NXPE2: variants seen among roughly 807,000 people sequenced by gnomAD.
The protein encoded by NXPE2 is neurexophilin and PC-esterase domain family member 2, also known as NXPE family member 2.
A neutral mutation model predicts 34.4 loss-of-function variants in NXPE2; 34 were observed. The ratio of observed to expected loss-of-function variants is 0.99; its 90% confidence interval spans 0.75 to 1.31. The LOEUF (loss-of-function observed/expected upper bound fraction) is 1.31, where lower values mean the gene tolerates loss of function less well. NXPE2 is among the 40% of genes most tolerant of loss of function. The pLI is 0.00. For synonymous variants in NXPE2, 235 were observed against 231.3 expected (o/e 1.02, Z -0.15); for missense variants, 649 against 672.5 (o/e 0.97, Z 0.39).
chr11:114,618,948 G>C, the NXPE2 span, among the ~76,000 whole-genome samples: 9 of 152,190 alleles, frequency 5.9e-5, no homozygotes, highest in African/African-American at 2.2e-4. Flanking sequence ...TGGATAATAA[G>C]TAGTACCGCA....
At chr11:114,622,809 A>G in the NXPE2 span, among the ~76,000 whole-genome samples, 80,130 of 151,948 alleles carry the variant, frequency 0.53, 22,192 homozygotes, top group African/African-American at 0.68. Flanking sequence ...GTATTGCCTC[A>G]TGGGTTACCA....
At chr11:114,517,365 C>G in the NXPE2 span, among the ~76,000 whole-genome samples, 1 of 152,124 alleles carries the variant, frequency 6.6e-6, no homozygotes, top group Non-Finnish European at 1.5e-5. Flanking sequence ...AAAGAAGTTC[C>G]ATGATTATTC....
chr11:114,646,862 CA>C, the NXPE2 span, among the ~76,000 whole-genome samples: 1 of 151,956 alleles, frequency 6.6e-6, no homozygotes, highest in Non-Finnish European at 1.5e-5. Flanking sequence ...ATCCAAAAAA[CA>C]AAAAACAGAG....
chr11:114,619,202 A>G, the NXPE2 span, among the ~76,000 whole-genome samples: 2 of 148,714 alleles, frequency 1.3e-5, no homozygotes, highest in East Asian at 2.0e-4. Context: ...GATAATAAGT[A>G]TTGCCTCTAG....
the NXPE2 span, among the ~76,000 whole-genome samples, chr11:114,541,415 A>T: frequency 1.1e-4 from 17 of 152,224 alleles, no homozygotes; most frequent in Non-Finnish European, 4.4e-5. Flanking sequence ...AAGAAATCTC[A>T]GCAAGGATGG....
chr11:114,687,366 C>T (rs546546187), intron 2 of NXPE2, among the ~76,000 whole-genome samples: 6 of 151,960 alleles, frequency 3.9e-5, no homozygotes, highest in Admixed American at 1.3e-4. Context: ...TTATTGAATA[C>T]GTTATCCTTT....
At chr11:114,677,105 G>A (rs1023021460), upstream of NXPE2, among the ~76,000 whole-genome samples, 1 of 151,976 alleles carries the variant, frequency 6.6e-6, no homozygotes, top group Non-Finnish European at 1.5e-5. Flanking sequence ...CGTGGTTGCT[G>A]AGGGTCTGGT....
chr11:114,682,077 G>T (rs1298489040), intron 2 of NXPE2, among the ~76,000 whole-genome samples: 1 of 152,090 alleles, frequency 6.6e-6, no homozygotes, highest in Non-Finnish European at 1.5e-5. Context: ...TGAGAGAGGA[G>T]ACTTAATTTT....
At chr11:114,650,904 G>A in the NXPE2 span, among the ~76,000 whole-genome samples, 1 of 152,100 alleles carries the variant, frequency 6.6e-6, no homozygotes, top group African/African-American at 2.4e-5. Flanking sequence ...AGCTGGTGGA[G>A]GGGCAGCCTG....
At chr11:114,754,400 T>C in the NXPE2 span, among the ~76,000 whole-genome samples, 2 of 152,140 alleles carry the variant, frequency 1.3e-5, no homozygotes, top group African/African-American at 4.8e-5. Context: ...AGTGACACTA[T>C]ATGGGTACCA....
intron 2 of NXPE2, among the ~76,000 whole-genome samples, chr11:114,687,713 A>G (rs1951074482): frequency 6.6e-6 from 1 of 152,108 alleles, no homozygotes; most frequent in African/African-American, 2.4e-5. Context: ...TTTAAATGAT[A>G]TAGATTCTTC....
chr11:114,733,538 A>T, the NXPE2 span, among the ~76,000 whole-genome samples: 19 of 152,172 alleles, frequency 1.2e-4, no homozygotes, highest in Admixed American at 1.2e-3. Context: ...TCAAGGAGGT[A>T]TACCTATTTT....
chr11:114,663,667 C>CATCTATTT, the NXPE2 span, among the ~76,000 whole-genome samples: 7 of 84,646 alleles, frequency 8.3e-5, no homozygotes, highest in African/African-American at 1.3e-4. Flanking sequence ...ATTTATCTAT[C>CATCTATTT]ATCTATCTAT....
the NXPE2 span, among the ~76,000 whole-genome samples, chr11:114,537,935 A>G: frequency 2.6e-5 from 4 of 152,202 alleles, no homozygotes; most frequent in African/African-American, 4.8e-5. Flanking sequence ...AAACTACTTT[A>G]AAGTTCATAT....
At chr11:114,581,771 T>C in the NXPE2 span, 1 of 1,609,130 alleles carries the variant, frequency 6.2e-7, no homozygotes, top group Non-Finnish European at 8.5e-7. Flanking sequence ...CCATAATCTC[T>C]ACACCCACAT....
At chr11:114,808,817 G>A in the NXPE2 span, among the ~76,000 whole-genome samples, 1 of 152,166 alleles carries the variant, frequency 6.6e-6, no homozygotes, top group Non-Finnish European at 1.5e-5. Context: ...AACAGAAAAA[G>A]AGGGAATCCT....
At chr11:114,536,242 A>G in the NXPE2 span, among the ~76,000 whole-genome samples, 1 of 152,228 alleles carries the variant, frequency 6.6e-6, no homozygotes, top group Non-Finnish European at 1.5e-5. Context: ...AATGAGAACA[A>G]AGACACAACA....
chr11:114,565,323 G>A, the NXPE2 span, among the ~76,000 whole-genome samples: 1 of 152,124 alleles, frequency 6.6e-6, no homozygotes, highest in Non-Finnish European at 1.5e-5. Context: ...AAAACCATCT[G>A]TTTAAAATAG....
the NXPE2 span, among the ~76,000 whole-genome samples, chr11:114,759,113 CTCTG>C: frequency 6.6e-6 from 1 of 152,134 alleles, no homozygotes; most frequent in Admixed American, 6.5e-5. Context: ...CACACTCTCT[CTCTG>C]TCTCTTTCTC....
Sources: allele counts gnomAD v4.1 joint callset (sites outside exome capture counted in the v4.1 genomes callset), GRCh38; gene constraint gnomAD v4.1.1; transcripts MANE v1.5; gene names NCBI Gene and HGNC (gene_info 2026-07-23, HGNC 2026-07-21).